MDN1: variants seen among roughly 807,000 people sequenced by gnomAD.
The protein encoded by MDN1 is midasin AAA ATPase 1.
Under a neutral mutation model 669.2 loss-of-function variants are expected in MDN1, and 266 were observed. That is an observed-to-expected ratio of 0.40 (90% confidence interval 0.36 to 0.44). MDN1 has a LOEUF of 0.44. Among genes scored for constraint, MDN1 ranks in the 20% least tolerant of loss-of-function variants. The probability of loss-of-function intolerance (pLI) is 1.00; values close to 1 mark genes in which losing one functional copy is unlikely to be tolerated. For missense variants in MDN1, 5,940 were observed against 6,754.0 expected, an observed-to-expected ratio of 0.88 and a Z score of 4.22; for synonymous variants, 2,385 against 2,457.1, an observed-to-expected ratio of 0.97 and a Z score of 0.87.
chr6:89,692,772 T>C lies in MDN1; in HGVS notation c.10258A>G (p.Thr3420Ala). The change falls in exon 63 of 102, where the codon ACC (threonine) becomes GCC (alanine). Residue 3420 changes from threonine (T) to alanine (A), a missense_variant. This residue lies in a region of MDN1 where 150 missense variants were observed against 234.2 expected (regional missense o/e 0.64). Transcript: ENST00000369393. ...GMRLVASELH[T>A]SLHSSMVGAD... The stretch of plus-strand genomic sequence containing the variant: ...CCAACCATACTGCTGTGGAGTGAGG[T>C]GTGGAGCTCAGAGGCCACCAGCCTC... 6.2e-7 allele frequency: 1 copy of C among 1,613,904 alleles called. No individual in the cohort carries two copies. The highest frequency in any genetic ancestry group is 1.1e-5 in the South Asian group (1 of 91,050).
At chr6:89,732,095 G>C (rs374865306) in intron 34 of MDN1, among the ~76,000 whole-genome samples, 1 of 151,854 alleles carries the variant, frequency 6.6e-6, no homozygotes, top group African/African-American at 2.4e-5. Context: ...AAAAATAAAG[G>C]CTCTCGTGCC....
At chr6:89,650,957 T>C (rs1808810389) in intron 95 of MDN1, 110 bp from the exon 96 acceptor site, 1 of 735,038 alleles carries the variant, frequency 1.4e-6, no homozygotes, top group South Asian at 1.7e-5. Flanking sequence ...GCATGAACTT[T>C]CTCAACAGAA....
chr6:89,651,987 G>A (rs1808904307), intron 95 of MDN1, among the ~76,000 whole-genome samples: 1 of 152,184 alleles, frequency 6.6e-6, no homozygotes, highest in Admixed American at 6.5e-5. Context: ...ACCAATTTCT[G>A]TTTTAATTAA....
At chr6:89,763,276 A>G (rs1817644566) in intron 15 of MDN1, among the ~76,000 whole-genome samples, 2 of 149,276 alleles carry the variant, frequency 1.3e-5, no homozygotes, top group South Asian at 4.4e-4. Context: ...AACGAAGAGT[A>G]GGAGAGAGCA....
chr6:89,664,371 C>A, intron 85 of MDN1, 116 bp downstream of exon 85: 1 of 1,329,082 alleles, frequency 7.5e-7, no homozygotes. Context: ...CACTTAAGCA[C>A]AGTAACCAAC....
Position 89,700,539 on chromosome 6 carries a change from C to T in MDN1, c.8638+107G>A, listed in dbSNP as rs530452633. 62 of 1,071,488 alleles carry T rather than the reference C, an allele frequency of 5.8e-5. No homozygotes were observed. The South Asian group carries it at 8.3e-4, about 14-fold the overall frequency. 66.4% of individuals were successfully genotyped at this position (1,071,488 alleles called of 1,614,324 possible). On this transcript the variant is annotated intron_variant, in intron 56 of 101. Transcript: ENST00000369393. ...TTATATAAAGGTATATAAACTCTAC[C>T]CCTCACATCACCCAGAAAAGAAAAA...
chr6:89,662,942 A>G lies in MDN1; in HGVS notation c.14262T>C (p.Ser4754=). The G allele has an allele frequency of 6.2e-7, 1 of 1,613,998 alleles. No homozygotes were observed. ...TGTGTTTATCCAGGTCTCCGCCCTC[A>G]CTATCTGATTTCTCATCATCCTCTT... is the stretch of plus-strand genomic sequence containing the variant. The part of the protein sequence containing the change: ...EQEEDDEKSD[S]EGGDLDKHMG... Residue 4754 remains serine (S), a synonymous_variant, in exon 86 of 102, where the codon AGT becomes AGC. Coordinates refer to ENST00000369393, the MANE Select transcript of MDN1 (RefSeq NM_014611.3).
At chr6:89,794,504 GAC>G (rs1027174635) in intron 3 of MDN1, 71 bp downstream of exon 3, 9 of 1,410,696 alleles carry the variant, frequency 6.4e-6, no homozygotes, top group Admixed American at 3.7e-5. Flanking sequence ...TTTCCCTCCT[GAC>G]ACACACAACT....
rs1411961324 is a variant in MDN1, at chr6:89,653,030, G to A, written c.15787C>T (p.His5263Tyr). ...TCCATGAGGAATTGATGAGCTGTAT[G>A]AATGGTAGACTCTCGGCTTCTTTCT... ...KPERSRESTI[H>Y]TAHQFLMDTI... Residue 5263 changes from histidine (H) to tyrosine (Y), a missense_variant, in exon 94 of 102, where the codon CAT (histidine) becomes TAT (tyrosine). By Grantham distance (83) the His-to-Tyr change is moderately conservative. Coordinates refer to ENST00000369393, the MANE Select transcript of MDN1 (RefSeq NM_014611.3). 6.2e-7 allele frequency: 1 copy of A among 1,614,172 alleles called. No homozygotes were observed. Among genetic ancestry groups the A allele is most frequent in the East Asian group, 2.2e-5 (1 of 44,882 alleles).
At chr6:89,731,807 C>G (rs1283491257) in intron 34 of MDN1, among the ~76,000 whole-genome samples, 2 of 147,256 alleles carry the variant, frequency 1.4e-5, no homozygotes, top group Non-Finnish European at 3.0e-5. Context: ...CGCCCCCCCC[C>G]CCCACCTTTT....
chr6:89,804,886 A>T (rs975185461), intron 1 of MDN1, among the ~76,000 whole-genome samples: 1 of 151,984 alleles, frequency 6.6e-6, no homozygotes, highest in African/African-American at 2.4e-5. Context: ...TACAAAAAAA[A>T]TTAGCTGGGC....
Position 89,691,374 on chromosome 6 carries a change from C to T in MDN1, c.10588-540G>A, listed in dbSNP as rs192988610. ...AAAAATTCTAACTTAAAGAACCATC[C>T]GGTACTGCTGAGGTTGAGGAAATAA... On this transcript the variant is annotated intron_variant, in intron 63 of 101. Coordinates refer to ENST00000369393, the MANE Select transcript of MDN1 (RefSeq NM_014611.3). Among the ~76,000 whole-genome samples the T allele has an allele frequency of 1.4e-3, 215 of 152,244 alleles. 1 individual carries two copies. The highest frequency in any genetic ancestry group is 0.013 in the Admixed American group (205 of 15,282).
rs1809474078 is a variant in MDN1 at position 89,658,361 on chromosome 6, C to G, written c.15031G>C (p.Glu5011Gln). ...DQGFQPQEEE[E>Q]REDSDTEEQV... ...TCCTCTGTATCAGAGTCCTCCCGTT[C>G]TTCTTCCTCCTTCGGCAGAGAAATC... Residue 5011 changes from glutamate (E) to glutamine (Q), a missense_variant, in exon 90 of 102, where the codon GAA becomes CAA. Transcript: ENST00000369393. The G allele has an allele frequency of 6.2e-7, 1 of 1,614,012 alleles. No individual in the cohort carries two copies. Among genetic ancestry groups the G allele is most frequent in the Non-Finnish European group, 8.5e-7 (1 of 1,180,036 alleles).
chr6:89,755,717 T>C (rs890506474), intron 20 of MDN1, among the ~76,000 whole-genome samples: 2 of 152,192 alleles, frequency 1.3e-5, no homozygotes, highest in African/African-American at 2.4e-5. Context: ...TAGTTTCTCA[T>C]AGAACCAATA....
At chr6:89,751,675 C>G (rs1441858270) in intron 22 of MDN1, 93 bp from the exon 23 acceptor site, 2 of 1,279,798 alleles carry the variant, frequency 1.6e-6, no homozygotes, top group East Asian at 4.7e-5. Flanking sequence ...GTTGAACAAG[C>G]TGTCTTGTTC....
Position 89,662,774 on chromosome 6 carries a change from G to A in MDN1, c.14412+18C>T. On this transcript the variant is annotated intron_variant, in intron 86 of 101. Transcript: ENST00000369393. ...CCTCCTCTCAGCTTGTTTGGGAGGGGAGAAATCTTTGAATTACCTCATCCA... is the reference window on the plus strand; with the variant it reads ...CCTCCTCTCAGCTTGTTTGGGAGGGAAGAAATCTTTGAATTACCTCATCCA... 2 of 1,613,348 alleles carry A rather than the reference G, an allele frequency of 1.2e-6. No homozygotes were observed. The highest frequency in any genetic ancestry group is 1.1e-5 in the South Asian group (1 of 91,024).
chr6:89,795,856 G>A (rs113073902), intron 2 of MDN1, among the ~76,000 whole-genome samples: 97 of 152,146 alleles, frequency 6.4e-4, no homozygotes, highest in African/African-American at 2.0e-3. Context: ...TCGGGACGTC[G>A]AGGCGGGAGA....
chr6:89,699,919 T>G (rs1309244203), intron 57 of MDN1, 144 bp downstream of exon 57: 68 of 1,093,376 alleles, frequency 6.2e-5, no homozygotes, highest in Non-Finnish European at 8.7e-5. Context: ...TTCAATAAAT[T>G]TTGGCTTTCC....
intron 84 of MDN1, among the ~76,000 whole-genome samples, chr6:89,665,151 C>T (rs944357334): frequency 1.3e-5 from 2 of 152,062 alleles, no homozygotes; most frequent in Non-Finnish European, 2.9e-5. Context: ...CCTCAGCCTC[C>T]CCAGTAGCTG....
Sources: gnomAD v4.1 joint callset for allele counts (sites outside exome capture counted in the v4.1 genomes callset) on GRCh38, gnomAD v4.1.1 for gene constraint, gnomAD v4.1.1 regional missense constraint, MANE v1.5 for transcripts, NCBI Gene and HGNC (gene_info 2026-07-23, HGNC 2026-07-21) for gene names.